ANKRD13A: variants seen among roughly 807,000 people sequenced by gnomAD.
The protein encoded by ANKRD13A is ankyrin repeat domain-containing protein 13A.
In ANKRD13A, 48 loss-of-function variants were observed where a neutral mutation model predicts 81.3. The observed-to-expected ratio is 0.59, with a 90% confidence interval of 0.47 to 0.75. The LOEUF (loss-of-function observed/expected upper bound fraction) is 0.75. Among genes scored for constraint, ANKRD13A ranks in the 30% least tolerant of loss-of-function variants. ANKRD13A has a pLI of 0.00. For missense variants in ANKRD13A, 612 were observed against 734.0 expected, an observed-to-expected ratio of 0.83 and a Z score of 1.92; for synonymous variants, 230 against 270.1, an observed-to-expected ratio of 0.85 and a Z score of 1.45.
At chr12:110,012,861 A>G (rs950702123) in intron 2 of ANKRD13A, among the ~76,000 whole-genome samples, 1 of 152,162 alleles carries the variant, frequency 6.6e-6, no homozygotes, top group African/African-American at 2.4e-5. Context: ...CCAACTGTCT[A>G]AACACATTAT....
intron 3 of ANKRD13A, among the ~76,000 whole-genome samples, chr12:110,014,448 G>T (rs1458919088): frequency 6.6e-6 from 1 of 152,096 alleles, no homozygotes; most frequent in Admixed American, 6.5e-5. Flanking sequence ...TAGTGTCAAG[G>T]ATTTTAATTT....
intron 6 of ANKRD13A, among the ~76,000 whole-genome samples, chr12:110,022,928 A>T (rs1891149233): frequency 6.6e-6 from 1 of 152,210 alleles, no homozygotes. Context: ...GGGAGCTCTG[A>T]TCCCTCCTGT....
chr12:110,024,149 T>G (rs755936025), intron 7 of ANKRD13A, 37 bp downstream of exon 7: 1 of 1,548,880 alleles, frequency 6.5e-7, no homozygotes, highest in Non-Finnish European at 8.7e-7. Context: ...TTAATATAGC[T>G]ATTTAGCTTC....
intron 1 of ANKRD13A, among the ~76,000 whole-genome samples, chr12:110,000,679 C>G (rs1042909850): frequency 6.6e-6 from 1 of 151,992 alleles, no homozygotes; most frequent in Admixed American, 6.5e-5. Context: ...AAGACAGCCC[C>G]CCGCAACTAA....
chr12:110,029,565 G>A lies in ANKRD13A; in HGVS notation c.1164G>A (p.Thr388=), dbSNP rs755705630. Residue 388 remains threonine, a synonymous_variant, in exon 11 of 15, where the codon ACG becomes ACA. Coordinates refer to ENST00000261739, the MANE Select transcript of ANKRD13A (RefSeq NM_033121.2). ...VIPIIDLMAR[T]SAHFARLRDF... ...CCATCATTGACCTAATGGCTCGAAC[G>A]AGTGCTCATTTTGCAAGACTGAGAG... The A allele has an allele frequency of 1.7e-5, 27 of 1,614,040 alleles. No individual in the cohort carries two copies. Among genetic ancestry groups the A allele is most frequent in the Non-Finnish European group, 2.2e-5 (26 of 1,179,964 alleles).
At chr12:110,034,500 G>A (rs947533218) in intron 13 of ANKRD13A, among the ~76,000 whole-genome samples, 1 of 152,072 alleles carries the variant, frequency 6.6e-6, no homozygotes, top group East Asian at 1.9e-4. Context: ...GCTGTTCCCC[G>A]GCATGATCAT....
chr12:110,030,201 C>T (rs1299122415), intron 11 of ANKRD13A, among the ~76,000 whole-genome samples: 1 of 151,214 alleles, frequency 6.6e-6, no homozygotes, highest in Non-Finnish European at 1.5e-5. Context: ...GAGTCTCGCT[C>T]TGTTGCCCAG....
At chr12:110,001,680 A>G (rs1889984855) in intron 1 of ANKRD13A, among the ~76,000 whole-genome samples, 1 of 152,032 alleles carries the variant, frequency 6.6e-6, no homozygotes, top group African/African-American at 2.4e-5. Flanking sequence ...TCTACCTCCC[A>G]AAGTGCTGGG....
chr12:110,011,572 G>A (rs986092216), intron 1 of ANKRD13A, among the ~76,000 whole-genome samples: 1 of 152,202 alleles, frequency 6.6e-6, no homozygotes, highest in Non-Finnish European at 1.5e-5. Flanking sequence ...CAAATTATCT[G>A]TGCTTTCAGT....
chr12:110,028,039 C>CT, intron 9 of ANKRD13A: 1 of 452,168 alleles, frequency 2.2e-6, no homozygotes, highest in Non-Finnish European at 4.0e-6. Context: ...AGAAATGGAA[C>CT]TTAAAAAGGA....
chr12:110,027,643 CT>C (rs1408833338), intron 8 of ANKRD13A, 61 bp from the exon 9 acceptor site: 102 of 1,522,402 alleles, frequency 6.7e-5, no homozygotes, highest in South Asian at 9.1e-5. Flanking sequence ...TAATGAAGAT[CT>C]TTTTTTTATA....
At chr12:110,025,104 C>A (rs1233104407) in intron 7 of ANKRD13A, among the ~76,000 whole-genome samples, 2 of 152,156 alleles carry the variant, frequency 1.3e-5, no homozygotes, top group African/African-American at 4.8e-5. Flanking sequence ...GCCTGTAATC[C>A]CAGCACTTTG....
At chr12:110,022,850 C>T (rs1387685398) in intron 6 of ANKRD13A, among the ~76,000 whole-genome samples, 1 of 152,156 alleles carries the variant, frequency 6.6e-6, no homozygotes, top group Non-Finnish European at 1.5e-5. Context: ...TGGTATAATA[C>T]TTTTAGGATT....
chr12:110,013,324 C>A lies in ANKRD13A; in HGVS notation c.354+75C>A, dbSNP rs1045128838. 3.2e-6 allele frequency: 5 copies of A among 1,557,964 alleles called. No individual in the cohort carries two copies. In the African/African-American group the frequency reaches 6.8e-5, roughly 21 times the overall value. On this transcript the variant is annotated intron_variant, in intron 3 of 14. Transcript: ENST00000261739. ...AATTACTGGAGACACAGTTTGACAT[C>A]CTTGTGTGCCTTCCTAAAGAGTTTT...
At chr12:110,023,967 A>T (rs575393512) in intron 6 of ANKRD13A, 79 bp from the exon 7 acceptor site, 20 of 1,443,752 alleles carry the variant, frequency 1.4e-5, no homozygotes, top group Non-Finnish European at 3.8e-6. Flanking sequence ...TGGGGGGGAA[A>T]AAAACTATAA....
At chr12:110,001,343 T>C (rs1326472883) in intron 1 of ANKRD13A, among the ~76,000 whole-genome samples, 1 of 151,890 alleles carries the variant, frequency 6.6e-6, no homozygotes, top group East Asian at 1.9e-4. Context: ...ATTTGGTGAA[T>C]GGGTGCTGCA....
chr12:110,016,863 C>A (rs1033053480), intron 4 of ANKRD13A, among the ~76,000 whole-genome samples: 1 of 152,066 alleles, frequency 6.6e-6, no homozygotes, highest in African/African-American at 2.4e-5. Flanking sequence ...ATCCTCATCT[C>A]CCAGATTCAA....
intron 6 of ANKRD13A, 192 bp from the exon 7 acceptor site, chr12:110,023,854 A>G (rs1891186555): frequency 3.8e-6 from 2 of 527,118 alleles, no homozygotes; most frequent in Non-Finnish European, 6.8e-6. Context: ...TTGATTAATA[A>G]CTGTGGGAGG....
chr12:110,021,278 A>T (rs992143671), intron 6 of ANKRD13A: 1 of 334,182 alleles, frequency 3.0e-6, no homozygotes, highest in African/African-American at 2.1e-5. Flanking sequence ...CTACGAAAAG[A>T]ATATAGCTGC....
Sources: allele counts gnomAD v4.1 joint callset (sites outside exome capture counted in the v4.1 genomes callset), GRCh38; gene constraint gnomAD v4.1.1; transcripts MANE v1.5; gene names NCBI Gene and HGNC (gene_info 2026-07-23, HGNC 2026-07-21).